AKAP13: variants seen among roughly 807,000 people sequenced by gnomAD.
AKAP13 encodes the protein A-kinase anchor protein 13.
In AKAP13, 80 loss-of-function variants were observed where a neutral mutation model predicts 264.5. That is an observed-to-expected ratio of 0.30 (90% CI 0.25 to 0.36). The LOEUF is 0.36. Among genes scored for constraint, AKAP13 ranks in the 10% least tolerant of loss-of-function variants. The pLI, the probability that AKAP13 is intolerant of heterozygous loss-of-function variation, is 1.00. For missense variants in AKAP13, 3,712 were observed against 3,435.2 expected (o/e 1.08, Z -2.01); for synonymous variants, 1,380 against 1,250.2 (o/e 1.10, Z -2.19).
chr15:85,684,264 A>G (rs2084772979), intron 15 of AKAP13, among the ~76,000 whole-genome samples: 1 of 152,172 alleles, frequency 6.6e-6, no homozygotes, highest in Non-Finnish European at 1.5e-5. Context: ...AAAATCCATA[A>G]TTAAAACATT....
intron 1 of AKAP13, among the ~76,000 whole-genome samples, chr15:85,398,505 C>T (rs768735341): frequency 1.3e-5 from 2 of 152,122 alleles, no homozygotes; most frequent in African/African-American, 4.8e-5. Context: ...TTTATGTACT[C>T]TTGAGCATAA....
intron 8 of AKAP13, chr15:85,619,240 A>G (rs1457077746): frequency 2.7e-6 from 1 of 368,070 alleles, no homozygotes; most frequent in Non-Finnish European, 3.8e-6. Context: ...TGTTCCCACA[A>G]CTGCAATTGG....
In AKAP13 at chr15:85,626,203, A is replaced by G. The variant is rs545874589; in HGVS notation, c.4162-13171A>G. The stretch of plus-strand genomic sequence containing the variant: ...GCTGCCTGACTACTTTTCTCTAAAC[A>G]AGCTTGCATATCTCTAACTGCTGCT... On this transcript the variant is annotated intron_variant, in intron 8 of 36. Coordinates refer to ENST00000394518, the MANE Select transcript of AKAP13 (RefSeq NM_007200.5). Among the ~76,000 whole-genome samples, 117 of 152,356 alleles carry G rather than the reference A, an allele frequency of 7.7e-4. 1 individual carries two copies. The highest frequency in any genetic ancestry group is 3.4e-3 in the Middle Eastern group (1 of 294).
intron 8 of AKAP13, among the ~76,000 whole-genome samples, chr15:85,597,690 A>C (rs1028902576): frequency 6.6e-6 from 1 of 152,134 alleles, no homozygotes; most frequent in Non-Finnish European, 1.5e-5. Flanking sequence ...TGGGCAGATC[A>C]CGGTATAGGG....
chr15:85,414,467 G>C (rs2072136922), intron 1 of AKAP13, among the ~76,000 whole-genome samples: 1 of 152,086 alleles, frequency 6.6e-6, no homozygotes, highest in Non-Finnish European at 1.5e-5. Context: ...TAATTAACAA[G>C]GTTTCTATAC....
intron 9 of AKAP13, among the ~76,000 whole-genome samples, chr15:85,640,994 A>T (rs1286750409): frequency 6.6e-6 from 1 of 152,198 alleles, no homozygotes; most frequent in East Asian, 1.9e-4. Context: ...TCTCGATTTA[A>T]CAGAATTGCA....
In AKAP13 at chr15:85,661,603, C is replaced by T. The variant is rs992855539; in HGVS notation, c.4800-2960C>T. On this transcript the variant is annotated intron_variant, in intron 12 of 36. Transcript: ENST00000394518. ...GGGTGTGGTGGTGCACACCTGTAAT[C>T]CCAGCTACTCGGGAGGCTGAGGCAG... 5.3e-5 allele frequency among the ~76,000 whole-genome samples: 8 copies of T among 152,082 alleles called. 1 individual carries two copies. In the East Asian group the frequency reaches 1.5e-3, roughly 29 times the overall value.
chr15:85,706,583 C>T (rs2086276792), intron 17 of AKAP13, among the ~76,000 whole-genome samples: 2 of 152,160 alleles, frequency 1.3e-5, no homozygotes, highest in Non-Finnish European at 2.9e-5. Flanking sequence ...AGCTGTTTGT[C>T]CTTTTGTGTT....
intron 20 of AKAP13, 79 bp downstream of exon 20, chr15:85,716,002 C>CTTTT (rs71141478): frequency 2.9e-4 from 373 of 1,269,552 alleles, no homozygotes; most frequent in East Asian, 8.2e-4. Flanking sequence ...TGACAAAAAG[C>CTTTT]TTTTTTTTTT....
rs930616371 is a variant in AKAP13, at chr15:85,721,849, A to G, written c.6253-142A>G. 46 of 1,362,646 alleles carry G rather than the reference A, an allele frequency of 3.4e-5. No homozygotes were observed. The Middle Eastern group carries it at 9.4e-4, about 28-fold the overall frequency. 84.4% of individuals were successfully genotyped at this position (1,362,646 alleles called of 1,614,324 possible). ...TGAGTAACTGCCAGACTGCTTTCCAAAGCTGCTGCACCATTTCATTCTTTT... is the reference window on the plus strand; with the variant it reads ...TGAGTAACTGCCAGACTGCTTTCCAGAGCTGCTGCACCATTTCATTCTTTT... On this transcript the variant is annotated intron_variant, in intron 23 of 36. Coordinates refer to ENST00000394518, the MANE Select transcript of AKAP13 (RefSeq NM_007200.5).
chr15:85,390,661 T>A (rs1034055823), intron 1 of AKAP13, among the ~76,000 whole-genome samples: 1 of 152,216 alleles, frequency 6.6e-6, no homozygotes, highest in African/African-American at 2.4e-5. Context: ...TTGCAGTCGT[T>A]CAGGCTAGAG....
Position 85,551,831 on chromosome 15 carries a change from G to A in AKAP13, c.662+7876G>A, listed in dbSNP as rs866090411. Among the ~76,000 whole-genome samples, 5 of 152,372 alleles carry A rather than the reference G, an allele frequency of 3.3e-5. 1 individual carries two copies. In the Middle Eastern group the frequency reaches 0.014, roughly 415 times the overall value. On this transcript the variant is annotated intron_variant, in intron 5 of 36. Coordinates refer to ENST00000394518, the MANE Select transcript of AKAP13 (RefSeq NM_007200.5). ...GCTTGATAGTCAGGTGTGAGAAAAT[G>A]AAGGATCAGTTGATAGCACCTTCTG...
At chr15:85,435,870 A>C (rs796243564) in intron 1 of AKAP13, among the ~76,000 whole-genome samples, 4 of 146,546 alleles carry the variant, frequency 2.7e-5, no homozygotes, top group African/African-American at 1.0e-4. Context: ...TCATGCCAAA[A>C]TGTAAAGACC....
intron 1 of AKAP13, among the ~76,000 whole-genome samples, chr15:85,481,179 A>G (rs546599180): frequency 1.3e-5 from 2 of 152,292 alleles, no homozygotes; most frequent in South Asian, 2.1e-4. Context: ...GTGGTCCTCT[A>G]TAGTGAGTGG....
In AKAP13 at chr15:85,407,405, A is replaced by T. The variant is rs541028222; in HGVS notation, c.-12+26607A>T. ...GCCATGCCTGGCTAATTTTTTTAAA[A>T]TTTTTTTTATTTTTAGTAGAGACAG... On this transcript the variant is annotated intron_variant, in intron 1 of 36. Coordinates refer to ENST00000394518, the MANE Select transcript of AKAP13 (RefSeq NM_007200.5). Among the ~76,000 whole-genome samples, 120 of 151,256 alleles carry T rather than the reference A, an allele frequency of 7.9e-4. 1 individual carries two copies. The highest frequency in any genetic ancestry group is 6.0e-3 in the Admixed American group (91 of 15,224).
At chr15:85,440,417 CTG>C (rs2150952987) in intron 1 of AKAP13, among the ~76,000 whole-genome samples, 1 of 152,290 alleles carries the variant, frequency 6.6e-6, no homozygotes, top group East Asian at 1.9e-4. Context: ...AACTTACTGA[CTG>C]TATTGTAAAT....
intron 5 of AKAP13, among the ~76,000 whole-genome samples, chr15:85,552,902 A>T (rs554931230): frequency 6.6e-6 from 1 of 152,126 alleles, no homozygotes; most frequent in Non-Finnish European, 1.5e-5. Context: ...CAATGTTGAC[A>T]TTCTGCTCTT....
Position 85,718,392 on chromosome 15 carries a change from T to C in AKAP13, c.6001+233T>C, listed in dbSNP as rs985577681. Reference sequence around the variant, plus strand: ...ATTGTACTTATATGTGAGTACTTATTTATACAGCAGTCCTAGAAAGAGATA... The same window carrying C: ...ATTGTACTTATATGTGAGTACTTATCTATACAGCAGTCCTAGAAAGAGATA... On this transcript the variant is annotated intron_variant, in intron 22 of 36. Transcript: ENST00000394518. The surrounding 1 kb of genome is among the most constrained non-coding windows in gnomAD (Gnocchi z 4.9). 2.0e-5 allele frequency among the ~76,000 whole-genome samples: 3 copies of C among 152,210 alleles called. No individual in the cohort carries two copies. Among genetic ancestry groups the C allele is most frequent in the Admixed American group, 1.3e-4 (2 of 15,276 alleles).
chr15:85,537,683 CAGTT>C, intron 4 of AKAP13, among the ~76,000 whole-genome samples: 1 of 152,304 alleles, frequency 6.6e-6, no homozygotes, highest in East Asian at 1.9e-4. Flanking sequence ...GCATTGGAGT[CAGTT>C]TGTTTGCATC....
Sources: allele counts gnomAD v4.1 joint callset (sites outside exome capture counted in the v4.1 genomes callset), GRCh38; gene constraint gnomAD v4.1.1; non-coding constraint Gnocchi (gnomAD v3.1); transcripts MANE v1.5; gene names NCBI Gene and HGNC (gene_info 2026-07-23, HGNC 2026-07-21).